The following THADA variants were observed in gnomAD, a reference collection of about 807,000 sequenced individuals.
THADA encodes the protein tRNA (32-2'-O)-methyltransferase regulator THADA.
THADA carries 213 observed loss-of-function variants against 219.8 expected under a neutral mutation model. The observed-to-expected ratio is 0.97, with a 90% CI of 0.87 to 1.09. THADA has a LOEUF of 1.09. Ranked by LOEUF, THADA falls within the 50% of genes least tolerant of loss-of-function variation. THADA has a pLI of 0.00. For missense variants in THADA, 2,956 were observed against 2,311.3 expected (o/e 1.28, Z -5.72); for synonymous variants, 1,018 against 828.9 (o/e 1.23, Z -3.92).
At chr2:43,559,037 A>G (rs1480691515) in intron 16 of THADA, among the ~76,000 whole-genome samples, 2 of 152,174 alleles carry the variant, frequency 1.3e-5, no homozygotes, top group African/African-American at 4.8e-5. Context: ...ATGCCATAAT[A>G]TGCCTTCTCC....
In THADA at chr2:43,572,814, T is replaced by G; in HGVS notation, c.1908A>C (p.Gln636His). 6.2e-7 allele frequency: 1 copy of G among 1,612,848 alleles called. No homozygotes were observed. The highest frequency in any genetic ancestry group is 8.5e-7 in the Non-Finnish European group (1 of 1,179,482). The change falls in exon 12 of 38, where the codon CAA becomes CAC. Residue 636 changes from glutamine to histidine, a missense_variant and splice_region_variant. By Grantham distance (24) the Gln-to-His change is conservative (BLOSUM62 0). Coordinates refer to ENST00000405975, the MANE Select transcript of THADA (RefSeq NM_022065.5). ...AATCCAGGTAATTTTCTTTACTTAC[T>G]TGGCAATGCTGATGAATTAAGCCTT... Reference protein sequence around the residue: ...IKQGLIHQHCQVRIDTLGLLC... With the variant: ...IKQGLIHQHCHVRIDTLGLLC...
chr2:43,584,058 A>C (rs930032841), intron 7 of THADA, among the ~76,000 whole-genome samples: 3 of 150,624 alleles, frequency 2.0e-5, no homozygotes, highest in Non-Finnish European at 4.4e-5. Flanking sequence ...AAAAAAAAAA[A>C]AGGAAAAATA....
intron 4 of THADA, 141 bp from the exon 5 acceptor site, chr2:43,587,143 T>C (rs1476657911): frequency 2.3e-6 from 2 of 857,438 alleles, no homozygotes; most frequent in South Asian, 3.6e-5. Context: ...CACACTACCA[T>C]CACTCGAATT....
intron 22 of THADA, among the ~76,000 whole-genome samples, chr2:43,511,772 T>G (rs1254613627): frequency 6.6e-6 from 1 of 152,210 alleles, no homozygotes; most frequent in East Asian, 1.9e-4. Context: ...TTCCTTTCTC[T>G]AAACTTCCAA....
At chr2:43,466,464 T>A (rs1684248077) in intron 26 of THADA, among the ~76,000 whole-genome samples, 1 of 152,148 alleles carries the variant, frequency 6.6e-6, no homozygotes, top group South Asian at 2.1e-4. Flanking sequence ...TGTCCATACC[T>A]CCTTGCATAC....
chr2:43,289,645 G>C (rs1208367705), intron 34 of THADA, among the ~76,000 whole-genome samples: 2 of 152,050 alleles, frequency 1.3e-5, no homozygotes, highest in African/African-American at 2.4e-5. Context: ...GTGTTTTTTT[G>C]TTTGTTTGTT....
intron 21 of THADA, chr2:43,538,689 A>AG (rs1694919592): frequency 6.6e-6 from 1 of 152,216 alleles, no homozygotes; most frequent in African/African-American, 2.4e-5. Flanking sequence ...CCTGTTCCAG[A>AG]GCTGCCACAA....
At chr2:43,595,649 C>G (rs1702070176) in intron 1 of THADA, 1 of 152,410 alleles carries the variant, frequency 6.6e-6, no homozygotes, top group African/African-American at 2.4e-5. Flanking sequence ...CCACTTACTG[C>G]TTCCCTTTAG....
At chr2:43,272,462 A>G (rs987157451) in intron 36 of THADA, among the ~76,000 whole-genome samples, 3 of 152,206 alleles carry the variant, frequency 2.0e-5, no homozygotes, top group African/African-American at 7.2e-5. Context: ...GCGGACAGGC[A>G]CTTTCTAAGT....
At chr2:43,459,428 T>C (rs780510614) in intron 26 of THADA, among the ~76,000 whole-genome samples, 51 of 152,154 alleles carry the variant, frequency 3.4e-4, no homozygotes, top group Non-Finnish European at 5.4e-4. Flanking sequence ...TGATTAATAC[T>C]TACTGAGCTT....
chr2:43,447,884 C>T (rs1681783507), intron 26 of THADA, among the ~76,000 whole-genome samples: 1 of 152,204 alleles, frequency 6.6e-6, no homozygotes, highest in Non-Finnish European at 1.5e-5. Context: ...CTGGTCTTTG[C>T]ATATATCCCA....
At chr2:43,487,903 T>C (rs1687106527) in intron 25 of THADA, among the ~76,000 whole-genome samples, 1 of 152,210 alleles carries the variant, frequency 6.6e-6, no homozygotes, top group Non-Finnish European at 1.5e-5. Context: ...ATATCCCTTA[T>C]AAAGTGCCCT....
intron 22 of THADA, 97 bp from the exon 23 acceptor site, chr2:43,508,877 T>C (rs1287808774): frequency 3.2e-6 from 4 of 1,235,438 alleles, no homozygotes; most frequent in Non-Finnish European, 4.5e-6. Flanking sequence ...ATAATAAATA[T>C]CCTTATATTG....
intron 36 of THADA, among the ~76,000 whole-genome samples, chr2:43,249,695 A>G (rs1669619732): frequency 6.6e-6 from 1 of 152,146 alleles, no homozygotes; most frequent in Non-Finnish European, 1.5e-5. Context: ...AATTTCCTTC[A>G]TTCTGGGTGG....
At position 43,551,944 on chromosome 2, in the gene THADA, G is replaced by A; in HGVS notation, c.2811-19C>T. On this transcript the variant is annotated intron_variant, in intron 18 of 37. Coordinates refer to ENST00000405975, the MANE Select transcript of THADA (RefSeq NM_022065.5). ...CAGGCTGCTGCAACAAGGACATTAG[G>A]GAAATTTATACTAAAAGCAAAAATC... is the stretch of plus-strand genomic sequence containing the variant. The A allele has an allele frequency of 1.3e-6, 2 of 1,590,318 alleles. No individual in the cohort carries two copies. Among genetic ancestry groups the A allele is most frequent in the Non-Finnish European group, 1.7e-6 (2 of 1,173,124 alleles).
chr2:43,460,886 T>G (rs1177379780), intron 26 of THADA, among the ~76,000 whole-genome samples: 2 of 152,184 alleles, frequency 1.3e-5, no homozygotes, highest in African/African-American at 2.4e-5. Flanking sequence ...GCAGAGGTCC[T>G]AAAGTATTCT....
At chr2:43,238,118 CAAAAAAAAAAAAAAAAAAAAAAAA>C in intron 36 of THADA, among the ~76,000 whole-genome samples, 1 of 28,282 alleles carries the variant, frequency 3.5e-5, no homozygotes, top group Non-Finnish European at 6.2e-5. Context: ...GATTCCATCT[CAAAAAAAAAAAAAAAAAAAAAAAA>C]AAAAAAAAAA....
At chr2:43,353,265 T>C (rs535825116) in intron 29 of THADA, among the ~76,000 whole-genome samples, 1 of 152,202 alleles carries the variant, frequency 6.6e-6, no homozygotes, top group Non-Finnish European at 1.5e-5. Flanking sequence ...CTGTTTTCCA[T>C]CATGGAGGCA....
chr2:43,329,142 G>C (rs1679676123), intron 30 of THADA, among the ~76,000 whole-genome samples: 1 of 152,156 alleles, frequency 6.6e-6, no homozygotes, highest in Admixed American at 6.6e-5. Context: ...TAAAAGTAAA[G>C]TTTAATATGC....
Sources: allele counts gnomAD v4.1 joint callset (sites outside exome capture counted in the v4.1 genomes callset), GRCh38; gene constraint gnomAD v4.1.1; transcripts MANE v1.5; gene names NCBI Gene and HGNC (gene_info 2026-07-23, HGNC 2026-07-21).